DSTN: variants seen among roughly 807,000 people sequenced by gnomAD.
DSTN encodes the protein destrin, actin depolymerizing factor, also known as destrin.
Under a neutral mutation model 16.8 loss-of-function variants are expected in DSTN, and 10 were observed. The ratio of observed to expected loss-of-function variants is 0.60; its 90% confidence interval spans 0.37 to 1.01. The LOEUF is 1.01. DSTN is among the 50% of genes least tolerant of loss of function. DSTN has a pLI of 0.01. For missense variants in DSTN, 141 were observed against 196.7 expected (o/e 0.72, Z 1.69); for synonymous variants, 57 against 58.9 (o/e 0.97, Z 0.14).
chr20:17,580,930 A>G (rs981369918), intron 1 of DSTN, among the ~76,000 whole-genome samples: 7 of 152,222 alleles, frequency 4.6e-5, no homozygotes, highest in Admixed American at 2.0e-4. Context: ...GACATTTGCC[A>G]GGGACAGAAA....
At chr20:17,576,719 A>G (rs1172519008) in intron 1 of DSTN, among the ~76,000 whole-genome samples, 1 of 152,224 alleles carries the variant, frequency 6.6e-6, no homozygotes, top group South Asian at 2.1e-4. Flanking sequence ...GATCACATCA[A>G]AGGAAGATTG....
intron 3 of DSTN, among the ~76,000 whole-genome samples, chr20:17,606,476 G>T (rs959400507): frequency 6.6e-6 from 1 of 152,196 alleles, no homozygotes; most frequent in African/African-American, 2.4e-5. Flanking sequence ...AAAATCAACT[G>T]TGCAATCAAA....
At chr20:17,573,700 C>T (rs2122155892) in intron 1 of DSTN, among the ~76,000 whole-genome samples, 1 of 152,224 alleles carries the variant, frequency 6.6e-6, no homozygotes, top group South Asian at 2.1e-4. Flanking sequence ...AAACCTTTGC[C>T]AGTCTGATGG....
intron 3 of DSTN, among the ~76,000 whole-genome samples, chr20:17,606,474 CTG>C (rs1175204049): frequency 6.6e-6 from 1 of 152,200 alleles, no homozygotes; most frequent in Admixed American, 6.5e-5. Flanking sequence ...ACAAAATCAA[CTG>C]TGCAATCAAA....
chr20:17,588,496 A>G (rs2035434728), intron 1 of DSTN, among the ~76,000 whole-genome samples: 1 of 152,172 alleles, frequency 6.6e-6, no homozygotes, highest in Non-Finnish European at 1.5e-5. Flanking sequence ...AAAAAGGAAC[A>G]TTTGGCTGGG....
chr20:17,571,328 T>C (rs1314369488), intron 1 of DSTN, among the ~76,000 whole-genome samples: 2 of 152,230 alleles, frequency 1.3e-5, no homozygotes, highest in Non-Finnish European at 2.9e-5. Context: ...GCATACAAAC[T>C]GTTTTCACTG....
intron 1 of DSTN, among the ~76,000 whole-genome samples, chr20:17,583,926 A>T (rs1363227463): frequency 6.6e-6 from 1 of 151,636 alleles, no homozygotes; most frequent in East Asian, 1.9e-4. Flanking sequence ...TTTTGTCAAG[A>T]TGAGGTCTCA....
chr20:17,577,916 G>A (rs2035297722), intron 1 of DSTN, among the ~76,000 whole-genome samples: 1 of 152,098 alleles, frequency 6.6e-6, no homozygotes, highest in Admixed American at 6.5e-5. Context: ...TTCCAGTAAT[G>A]GATAAGAATA....
chr20:17,570,616 C>T (rs1257476483), intron 1 of DSTN, among the ~76,000 whole-genome samples: 2 of 150,754 alleles, frequency 1.3e-5, no homozygotes, highest in Non-Finnish European at 3.0e-5. Context: ...GGCCACCGTC[C>T]TTGTTGGCGT....
intron 2 of DSTN, among the ~76,000 whole-genome samples, chr20:17,603,765 A>C (rs2035611588): frequency 6.6e-6 from 1 of 152,028 alleles, no homozygotes; most frequent in Non-Finnish European, 1.5e-5. Flanking sequence ...GTTAAGACAT[A>C]ATTATTGGTG....
chr20:17,596,616 G>A, intron 1 of DSTN: 1 of 985,094 alleles, frequency 1.0e-6, no homozygotes, highest in Non-Finnish European at 1.2e-6. Context: ...CTGAATATTT[G>A]TAATTGTGTC....
At chr20:17,571,463 A>C (rs1396284525) in intron 1 of DSTN, among the ~76,000 whole-genome samples, 2 of 152,250 alleles carry the variant, frequency 1.3e-5, no homozygotes, top group Non-Finnish European at 2.9e-5. Flanking sequence ...TAGGGATTTG[A>C]TACTGTTCAG....
Position 17,570,181 on chromosome 20 carries a change from C to T in DSTN, c.-28C>T. 3.9e-6 allele frequency: 6 copies of T among 1,519,750 alleles called. No homozygotes were observed. The highest frequency in any genetic ancestry group is 4.4e-6 in the Non-Finnish European group (5 of 1,137,542). 94.1% of individuals were successfully genotyped at this position (1,519,750 alleles called of 1,614,324 possible). The stretch of plus-strand genomic sequence containing the variant: ...ACTCGCTGCCCGCCGGCTCCCTCCC[C>T]CGCGTCCCTGCGACCGCCGCGGCGA... On this transcript the variant is annotated 5_prime_UTR_variant, in exon 1 of 4. Coordinates refer to ENST00000246069, the MANE Select transcript of DSTN (RefSeq NM_006870.4).
At chr20:17,570,892 T>C (rs2035196949) in intron 1 of DSTN, among the ~76,000 whole-genome samples, 1 of 152,196 alleles carries the variant, frequency 6.6e-6, no homozygotes, top group Non-Finnish European at 1.5e-5. Flanking sequence ...AACCCTTCCC[T>C]GCCCGATCTG....
intron 1 of DSTN, among the ~76,000 whole-genome samples, chr20:17,589,131 CT>C (rs1466093345): frequency 6.6e-6 from 1 of 151,880 alleles, no homozygotes; most frequent in Non-Finnish European, 1.5e-5. Flanking sequence ...GACTTATGTT[CT>C]TTTTCTTTTT....
At position 17,607,298 on chromosome 20, in the gene DSTN, C is replaced by A; in HGVS notation, c.*152C>A. On this transcript the variant is annotated 3_prime_UTR_variant, in exon 4 of 4. Transcript: ENST00000246069. ...CTATTCTATAAACATATGCAAACAG[C>A]CCTAAATAAATCTAAAGTCTAAAGT... The A allele has an allele frequency of 1.8e-6, 1 of 545,444 alleles. No individual in the cohort carries two copies. Among genetic ancestry groups the A allele is most frequent in the Non-Finnish European group, 3.0e-6 (1 of 330,914 alleles). The allele number at this position is 545,444 out of a possible 1,614,324, so 33.8% of individuals were successfully genotyped here.
At chr20:17,583,498 A>G (rs2035368900) in intron 1 of DSTN, among the ~76,000 whole-genome samples, 1 of 152,176 alleles carries the variant, frequency 6.6e-6, no homozygotes, top group African/African-American at 2.4e-5. Flanking sequence ...AGGGAAGGGA[A>G]TATTATTTGG....
intron 1 of DSTN, among the ~76,000 whole-genome samples, chr20:17,575,618 A>G (rs1600698376): frequency 6.6e-6 from 1 of 152,102 alleles, no homozygotes; most frequent in Admixed American, 6.6e-5. Flanking sequence ...GGCAGGCACA[A>G]CCACTCCCAG....
At chr20:17,581,717 C>T (rs2035346656) in intron 1 of DSTN, among the ~76,000 whole-genome samples, 1 of 152,070 alleles carries the variant, frequency 6.6e-6, no homozygotes, top group African/African-American at 2.4e-5. Flanking sequence ...TGTCACTATG[C>T]TTGAGGTCCT....
Sources: allele counts gnomAD v4.1 joint callset (sites outside exome capture counted in the v4.1 genomes callset), GRCh38; gene constraint gnomAD v4.1.1; transcripts MANE v1.5; gene names NCBI Gene and HGNC (gene_info 2026-07-23, HGNC 2026-07-21).